AJAP1: variants seen among roughly 807,000 people sequenced by gnomAD.
AJAP1 encodes adherens junction-associated protein 1.
Under a neutral mutation model 35.0 loss-of-function variants are expected in AJAP1, and 5 were observed. That is an observed-to-expected ratio of 0.14 (90% CI 0.07 to 0.30). The LOEUF (loss-of-function observed/expected upper bound fraction) is 0.30, where lower values mean the gene tolerates loss of function less well. Ranked by LOEUF, AJAP1 falls within the 10% of genes least tolerant of loss-of-function variation. The pLI is 1.00. For synonymous variants in AJAP1, 284 were observed against 249.3 expected, an observed-to-expected ratio of 1.14 and a Z score of -1.31; for missense variants, 586 against 571.0, an observed-to-expected ratio of 1.03 and a Z score of -0.27.
intron 1 of AJAP1, among the ~76,000 whole-genome samples, chr1:4,672,404 A>G (rs1639269712): frequency 6.6e-6 from 1 of 152,188 alleles, no homozygotes; most frequent in Admixed American, 6.5e-5. Flanking sequence ...TTTTGCATAC[A>G]CTGTGCCCAC....
intron 1 of AJAP1, among the ~76,000 whole-genome samples, chr1:4,675,017 C>T (rs1015895527): frequency 5.9e-5 from 9 of 152,218 alleles, no homozygotes; most frequent in African/African-American, 1.9e-4. Flanking sequence ...AATGCTGTCC[C>T]TTTGCCATGA....
chr1:4,703,283 G>A (rs895645315), intron 1 of AJAP1, among the ~76,000 whole-genome samples: 1 of 152,226 alleles, frequency 6.6e-6, no homozygotes, highest in African/African-American at 2.4e-5. Context: ...CCCTTCCTGC[G>A]CCAGGGCTGG....
intron 2 of AJAP1, among the ~76,000 whole-genome samples, chr1:4,715,783 A>G (rs1303559180): frequency 1.3e-5 from 2 of 152,232 alleles, no homozygotes; most frequent in Admixed American, 1.3e-4. Context: ...ACAATTCTCC[A>G]TACTTATTCG....
chr1:4,728,446 C>T (rs757655263), intron 2 of AJAP1, among the ~76,000 whole-genome samples: 6 of 152,186 alleles, frequency 3.9e-5, no homozygotes, highest in Non-Finnish European at 8.8e-5. Context: ...CCTGCGTGTT[C>T]CCACCCAGCC....
At chr1:4,686,829 C>G (rs1303104739) in intron 1 of AJAP1, among the ~76,000 whole-genome samples, 1 of 152,232 alleles carries the variant, frequency 6.6e-6, no homozygotes, top group African/African-American at 2.4e-5. Context: ...TGCATGCCCT[C>G]CAGTCTCTCA....
chr1:4,725,472 G>T (rs150174952), intron 2 of AJAP1, among the ~76,000 whole-genome samples: 1 of 152,148 alleles, frequency 6.6e-6, no homozygotes, highest in South Asian at 2.1e-4. Context: ...CAAAGTACAC[G>T]TTTAATGAAT....
At position 4,654,699 on chromosome 1, in the gene AJAP1, C is replaced by CCTCCTCCGCGCGGCGCCGCCGCCGCGCGT. The variant is rs1184952160; in HGVS notation, c.-725_-697dup. 1.4e-5 allele frequency: 2 copies of CCTCCTCCGCGCGGCGCCGCCGCCGCGCGT among 146,382 alleles called. No individual in the cohort carries two copies. The highest frequency in any genetic ancestry group is 3.0e-5 in the Non-Finnish European group (2 of 65,928). 9.1% of individuals were successfully genotyped at this position (146,382 alleles called of 1,614,324 possible). ...GGCGGGGCCCCGGGATCCCCGCGCG[C>CCTCCTCCGCGCGGCGCCGCCGCCGCGCGT]CTCCTCCGCGCGGCGCCGCCGCCGC... On this transcript the variant is annotated 5_prime_UTR_variant, in exon 1 of 6. Coordinates refer to ENST00000378191, the MANE Select transcript of AJAP1 (RefSeq NM_018836.4). This position sits in a 1 kb window ranked among gnomAD's most constrained non-coding sequence, Gnocchi z 5.1.
rs532761720 is a variant in AJAP1, at chr1:4,772,373, G to A, written c.1011G>A (p.Ser337=). The A allele has an allele frequency of 7.3e-5, 118 of 1,614,088 alleles. No individual in the cohort carries two copies. The highest frequency in any genetic ancestry group is 1.2e-4 in the African/African-American group (9 of 74,926). Residue 337 remains serine, a synonymous_variant, in exon 4 of 6, where the codon TCG becomes TCA. Coordinates refer to ENST00000378191, the MANE Select transcript of AJAP1 (RefSeq NM_018836.4). ...ESCQNLTDFP[S]ARVPSSLDIF... The stretch of plus-strand genomic sequence containing the variant: ...GCCAGAACCTCACGGACTTCCCCTC[G>A]GCCCGGGTGCCCAGCAGCCTGGACA...
At chr1:4,748,523 A>G (rs1641246250) in intron 2 of AJAP1, among the ~76,000 whole-genome samples, 1 of 152,054 alleles carries the variant, frequency 6.6e-6, no homozygotes, top group Non-Finnish European at 1.5e-5. Flanking sequence ...TGAGGTGGAC[A>G]GATCACCTGA....
At chr1:4,719,993 C>T (rs1172457976) in intron 2 of AJAP1, among the ~76,000 whole-genome samples, 2 of 152,124 alleles carry the variant, frequency 1.3e-5, no homozygotes, top group Non-Finnish European at 2.9e-5. Flanking sequence ...CCTGGTGGAA[C>T]CCTCTGCCCC....
rs185667401 is a variant in AJAP1 at position 4,707,069 on chromosome 1, G to A, written c.30-4831G>A. Among the ~76,000 whole-genome samples, 11 of 152,236 alleles carry A rather than the reference G, an allele frequency of 7.2e-5. No homozygotes were observed. The East Asian group carries it at 2.1e-3, about 30-fold the overall frequency. ...CCTCAGGTGCTCAGGCAGGGACCCT[G>A]TCTCACGTTCAGGGTGTCCCAGTGA... On this transcript the variant is annotated intron_variant, in intron 1 of 5. Coordinates refer to ENST00000378191, the MANE Select transcript of AJAP1 (RefSeq NM_018836.4).
In AJAP1 at chr1:4,720,112, C is replaced by T. The variant is rs1000690075; in HGVS notation, c.829+7413C>T. 8.5e-5 allele frequency among the ~76,000 whole-genome samples: 13 copies of T among 152,272 alleles called. No homozygotes were observed. In the East Asian group the frequency reaches 2.5e-3, roughly 29 times the overall value. ...CCGCATCTTTGCAGCAGATAAGTTC[C>T]AAGTGACGTTTGAGGGCTCCCCAGG... On this transcript the variant is annotated intron_variant, in intron 2 of 5. Transcript: ENST00000378191. The surrounding 1 kb of genome is among the most constrained non-coding windows in gnomAD (Gnocchi z 4.4).
At chr1:4,781,084 AGATGATCAGAGACGCAGTGCT>A (rs1269473161) in intron 5 of AJAP1, among the ~76,000 whole-genome samples, 2 of 152,144 alleles carry the variant, frequency 1.3e-5, no homozygotes, top group African/African-American at 4.8e-5. Context: ...AGTCTCCTGG[AGATGATCAGAGACGCAGTGCT>A]GATGATCAGG....
chr1:4,696,086 G>A (rs1639852376), intron 1 of AJAP1, among the ~76,000 whole-genome samples: 1 of 152,172 alleles, frequency 6.6e-6, no homozygotes, highest in Non-Finnish European at 1.5e-5. Flanking sequence ...GAAGCAGCCA[G>A]CAGGTGGTCA....
chr1:4,744,885 C>G lies in AJAP1; in HGVS notation c.830-24968C>G, dbSNP rs542727590. On this transcript the variant is annotated intron_variant, in intron 2 of 5. Transcript: ENST00000378191. ...GACAGACAAGCAGAGGACACACACCCACCTGGGACGCGGGGCTTCAGGAGA... is the reference window on the plus strand; with the variant it reads ...GACAGACAAGCAGAGGACACACACCGACCTGGGACGCGGGGCTTCAGGAGA... 9.5e-4 allele frequency among the ~76,000 whole-genome samples: 144 copies of G among 152,268 alleles called. 1 individual carries two copies. The highest frequency in any genetic ancestry group is 3.4e-3 in the African/African-American group (141 of 41,546).
At chr1:4,712,746 T>G (rs1284999755) in intron 2 of AJAP1, 47 bp downstream of exon 2, 6 of 1,484,500 alleles carry the variant, frequency 4.0e-6, no homozygotes, top group African/African-American at 1.4e-5. Flanking sequence ...GGTTGAGGGC[T>G]GGGAGCGTGA....
chr1:4,680,090 C>A (rs1204501236), intron 1 of AJAP1, among the ~76,000 whole-genome samples: 1 of 152,132 alleles, frequency 6.6e-6, no homozygotes, highest in Non-Finnish European at 1.5e-5. Flanking sequence ...AGACCAATGT[C>A]CCAGCTCAAA....
chr1:4,681,448 C>T (rs1470775656), intron 1 of AJAP1, among the ~76,000 whole-genome samples: 2 of 152,220 alleles, frequency 1.3e-5, no homozygotes, highest in African/African-American at 4.8e-5. Context: ...ACCCATGAGG[C>T]AGCCAGGGTT....
intron 2 of AJAP1, among the ~76,000 whole-genome samples, chr1:4,768,188 C>T (rs554286140): frequency 6.6e-6 from 1 of 152,328 alleles, no homozygotes; most frequent in Non-Finnish European, 1.5e-5. Flanking sequence ...GGCATCGGAG[C>T]AGCTGTTGCC....
Sources: allele counts gnomAD v4.1 joint callset (sites outside exome capture counted in the v4.1 genomes callset), GRCh38; gene constraint gnomAD v4.1.1; non-coding constraint Gnocchi (gnomAD v3.1); transcripts MANE v1.5; gene names NCBI Gene and HGNC (gene_info 2026-07-23, HGNC 2026-07-21).